The following PRSS23 variants were observed in gnomAD, a reference collection of about 807,000 sequenced individuals.
The protein encoded by PRSS23 is serine protease 23, also known as protease, serine 23.
Under a neutral mutation model 34.7 loss-of-function variants are expected in PRSS23, and 25 were observed. The observed-to-expected ratio is 0.72, with a 90% CI of 0.53 to 1.01. PRSS23 has a LOEUF of 1.01. PRSS23 is among the 50% of genes least tolerant of loss of function. PRSS23 has a pLI of 0.00. For missense variants in PRSS23, 445 were observed against 475.6 expected (o/e 0.94, Z 0.60); for synonymous variants, 176 against 186.6 (o/e 0.94, Z 0.46).
intron 2 of PRSS23, among the ~76,000 whole-genome samples, chr11:86,845,184 G>T (rs1315248547): frequency 6.6e-6 from 1 of 151,760 alleles, no homozygotes; most frequent in Non-Finnish European, 1.5e-5. Context: ...AATTAACATA[G>T]ATTTTTACTT....
At position 86,919,651 on chromosome 11, in the gene PRSS23, T is replaced by C. The variant is rs747919032; in HGVS notation, c.207-31565T>C. 4.6e-5 allele frequency among the ~76,000 whole-genome samples: 7 copies of C among 152,350 alleles called. No homozygotes were observed. In the South Asian group the frequency reaches 1.2e-3, roughly 27 times the overall value. The stretch of plus-strand genomic sequence containing the variant: ...GTTCTGCCATTAAGTTGTTACGTGA[T>C]CTTAGTCAAATCATGTTACCTCCCC... On this transcript the variant is annotated intron_variant, in intron 2 of 2. Coordinates refer to the PRSS23 transcript ENST00000533902.
chr11:86,793,193 G>A (rs962083107), intron 1 of PRSS23, among the ~76,000 whole-genome samples: 1 of 152,172 alleles, frequency 6.6e-6, no homozygotes, highest in Non-Finnish European at 1.5e-5. Context: ...AGATAAACGA[G>A]CTTAACTAGA....
At chr11:86,823,616 C>A in intron 2 of PRSS23, 3 of 702,366 alleles carry the variant, frequency 4.3e-6, no homozygotes, top group Non-Finnish European at 7.8e-6. Flanking sequence ...CAGATTATCA[C>A]AAAGCAGTGT....
intron 2 of PRSS23, chr11:86,946,760 T>A (rs1949246145): frequency 6.6e-6 from 1 of 152,506 alleles, no homozygotes; most frequent in Non-Finnish European, 1.5e-5. Flanking sequence ...CCAGACATAA[T>A]ACAAACCCAG....
In PRSS23 at chr11:86,821,194, T is replaced by G. The variant is rs1016870171; in HGVS notation, c.-11-2183T>G. On this transcript the variant is annotated intron_variant, in intron 1 of 2. Transcript: ENST00000533902. ...CCTGTACTTCCTCTTCTAAAATTGG[T>G]ACAATGAGGTTATCCCTGGACATCA... 9 of 631,576 alleles carry G rather than the reference T, an allele frequency of 1.4e-5. No homozygotes were observed. In the African/African-American group the frequency reaches 1.7e-4, roughly 12 times the overall value. 39.1% of individuals were successfully genotyped at this position (631,576 alleles called of 1,614,324 possible).
intron 2 of PRSS23, chr11:86,858,013 G>A: frequency 6.6e-6 from 2 of 301,550 alleles, no homozygotes; most frequent in East Asian, 8.8e-5. Flanking sequence ...GAAGGCAAGA[G>A]GATGATATTA....
At chr11:86,848,654 A>G (rs1948506086) in intron 2 of PRSS23, among the ~76,000 whole-genome samples, 8 of 152,196 alleles carry the variant, frequency 5.3e-5, no homozygotes, top group Admixed American at 3.9e-4. Context: ...CTTATCACCT[A>G]AGAAGCGGCC....
At position 86,810,253 on chromosome 11, in the gene PRSS23, G is replaced by A. The variant is rs957695046; in HGVS notation, c.*1458G>A. 28 of 166,730 alleles carry A rather than the reference G, an allele frequency of 1.7e-4. No homozygotes were observed. The highest frequency in any genetic ancestry group is 6.3e-4 in the African/African-American group (26 of 41,456). 10.3% of individuals were successfully genotyped at this position (166,730 alleles called of 1,614,324 possible). ...AAAAAATCAAATGGACTACAAGCACGTGTTTGCTGTGCTTGCACCCCAGGT... is the reference window on the plus strand; with the variant it reads ...AAAAAATCAAATGGACTACAAGCACATGTTTGCTGTGCTTGCACCCCAGGT... On this transcript the variant is annotated 3_prime_UTR_variant, in exon 2 of 2. Coordinates refer to ENST00000280258, the MANE Select transcript of PRSS23 (RefSeq NM_007173.6).
intron 1 of PRSS23, among the ~76,000 whole-genome samples, chr11:86,801,566 G>A (rs777109153): frequency 6.6e-6 from 1 of 152,240 alleles, no homozygotes; most frequent in African/African-American, 2.4e-5. Flanking sequence ...TTAGGAACAG[G>A]TAGGCCAGTG....
intron 2 of PRSS23, among the ~76,000 whole-genome samples, chr11:86,885,027 G>T (rs1353901467): frequency 6.6e-6 from 1 of 152,098 alleles, no homozygotes; most frequent in Non-Finnish European, 1.5e-5. Flanking sequence ...TGTGCTCATT[G>T]GAATATTTCA....
At chr11:86,952,532 G>C in exon 3 of PRSS23, 1 of 1,578,062 alleles carries the variant, frequency 6.3e-7, no homozygotes, top group Non-Finnish European at 8.6e-7. Flanking sequence ...TTGACCAAAT[G>C]CTCCCACAAA....
intron 2 of PRSS23, chr11:86,950,828 T>A: frequency 2.3e-6 from 1 of 438,800 alleles, no homozygotes; most frequent in South Asian, 2.3e-5. Context: ...AGTATCGCCC[T>A]GGACTTCCTG....
chr11:86,888,310 A>C (rs1948819044), intron 2 of PRSS23, among the ~76,000 whole-genome samples: 1 of 152,170 alleles, frequency 6.6e-6, no homozygotes, highest in Non-Finnish European at 1.5e-5. Context: ...AACACATGCT[A>C]TTGTTTGCTT....
At chr11:86,854,464 C>A (rs544773401) in intron 2 of PRSS23, among the ~76,000 whole-genome samples, 12 of 152,254 alleles carry the variant, frequency 7.9e-5, no homozygotes, top group African/African-American at 2.9e-4. Context: ...CATGGGTTAT[C>A]TTTTCACTCA....
intron 2 of PRSS23, among the ~76,000 whole-genome samples, chr11:86,901,286 A>G (rs973162928): frequency 6.6e-6 from 1 of 152,134 alleles, no homozygotes; most frequent in African/African-American, 2.4e-5. Context: ...TTTTATCTAC[A>G]TTATATACCA....
At chr11:86,870,305 T>A (rs554490257) in intron 2 of PRSS23, among the ~76,000 whole-genome samples, 1 of 151,956 alleles carries the variant, frequency 6.6e-6, no homozygotes, top group Non-Finnish European at 1.5e-5. Flanking sequence ...TTTTCCAAAT[T>A]ATCCCACCTA....
chr11:86,917,077 T>C (rs1261342897), intron 2 of PRSS23, among the ~76,000 whole-genome samples: 2 of 152,190 alleles, frequency 1.3e-5, no homozygotes, highest in African/African-American at 4.8e-5. Context: ...CCCAGCACTT[T>C]GGGAGGCCAA....
chr11:86,809,057 G>T lies in PRSS23; in HGVS notation c.*262G>T. The T allele has an allele frequency of 5.6e-6, 2 of 360,326 alleles. No individual in the cohort carries two copies. The highest frequency in any genetic ancestry group is 1.0e-5 in the Non-Finnish European group (2 of 192,388). The allele number at this position is 360,326 out of a possible 1,614,324, so 22.3% of individuals were successfully genotyped here. A position where few individuals can be genotyped will look rare whatever the true frequency, so the allele number is the denominator to read the frequency against. On this transcript the variant is annotated 3_prime_UTR_variant, in exon 2 of 2. Transcript: ENST00000280258. ...TAGAAATAAAAAAAATACTGATTTG[G>T]GGCAATGAGGAATATTTGACAATTA...
intron 2 of PRSS23, among the ~76,000 whole-genome samples, chr11:86,828,701 A>C (rs1161865841): frequency 1.3e-5 from 2 of 152,152 alleles, no homozygotes; most frequent in African/African-American, 4.8e-5. Context: ...TGGTGACAGA[A>C]TCTCTCGGCA....
Sources: allele counts gnomAD v4.1 joint callset (sites outside exome capture counted in the v4.1 genomes callset), GRCh38; gene constraint gnomAD v4.1.1; transcripts MANE v1.5; gene names NCBI Gene and HGNC (gene_info 2026-07-23, HGNC 2026-07-21).